DDHD2: variants seen among roughly 807,000 people sequenced by gnomAD.
DDHD2 encodes the protein triacylglycerol hydrolase DDHD2.
DDHD2 carries 62 observed loss-of-function variants against 91.2 expected under a neutral mutation model. That is an observed-to-expected ratio of 0.68 (90% confidence interval 0.55 to 0.84). The LOEUF (loss-of-function observed/expected upper bound fraction) is 0.84. DDHD2 is among the 40% of genes least tolerant of loss of function. The pLI is 0.00. For missense variants in DDHD2, 740 were observed against 846.9 expected (o/e 0.87, Z 1.57); for synonymous variants, 271 against 293.9 (o/e 0.92, Z 0.80).
At chr8:38,255,152 G>T (rs916595878) in intron 16 of DDHD2, among the ~76,000 whole-genome samples, 1 of 142,434 alleles carries the variant, frequency 7.0e-6, no homozygotes, top group Admixed American at 7.7e-5. Context: ...CGAGATCACG[G>T]CCACCGCAGT....
rs768226042 is a variant in DDHD2, at chr8:38,246,278, T to G, written c.1103T>G (p.Leu368Trp). Residue 368 changes from leucine (L) to tryptophan (W), a missense_variant, in exon 9 of 18, where the codon TTG becomes TGG. Transcript: ENST00000397166. ...FDILTNQKDS[L>W]GDIDSEKDSL... ...ATCCTAACAAATCAGAAAGATTCTT[T>G]GGGGGATATTGACAGTGAAAAGGTA... 1.9e-6 allele frequency: 3 copies of G among 1,609,306 alleles called. No homozygotes were observed. The African/African-American group carries it at 4.0e-5, about 22-fold the overall frequency.
At chr8:38,241,644 C>T (rs142860987) in intron 6 of DDHD2, among the ~76,000 whole-genome samples, 3 of 151,520 alleles carry the variant, frequency 2.0e-5, no homozygotes, top group Admixed American at 2.0e-4. Context: ...GTCTTGAACT[C>T]CTGGCCTCAT....
rs376393703 is a variant in DDHD2 at position 38,249,709 on chromosome 8, C to A, written c.1250C>A (p.Ala417Asp). The A allele has an allele frequency of 6.9e-6, 11 of 1,603,670 alleles. No individual in the cohort carries two copies. The highest frequency in any genetic ancestry group is 8.5e-6 in the Non-Finnish European group (10 of 1,172,496). ...AAAGACTTGATTTTCTATGCCTAGG[C>A]TTTATGTACAGACCGAGATCTTCAG... ...EKEKVDKEAL[A>D]LCTDRDLQEI... The change falls in exon 11 of 18, where the codon GCT (alanine) becomes GAT (aspartate). Residue 417 changes from alanine (A) to aspartate (D), a missense_variant and splice_region_variant. Physicochemically the swap from Ala to Asp is moderately radical, Grantham distance 126. Coordinates refer to ENST00000397166, the MANE Select transcript of DDHD2 (RefSeq NM_015214.3).
intron 5 of DDHD2, 112 bp downstream of exon 5, chr8:38,238,321 T>A (rs1804968644): frequency 6.6e-7 from 1 of 1,507,604 alleles, no homozygotes; most frequent in African/African-American, 1.4e-5. Context: ...TCATCTTTAA[T>A]CATATGGGTT....
downstream of DDHD2, chr8:38,271,583 T>C (rs1024389268): frequency 2.6e-5 from 4 of 152,242 alleles, no homozygotes; most frequent in African/African-American, 9.6e-5. Context: ...AGTTCTACTT[T>C]TTGTTTTACA....
At chr8:38,266,463 C>T (rs1053494797), downstream of DDHD2, 45 of 707,738 alleles carry the variant, frequency 6.4e-5, no homozygotes, top group African/African-American at 5.4e-4. Flanking sequence ...TGCAGTGGCA[C>T]CATCTCGGCT....
At chr8:38,266,453 T>C (rs1807606614), downstream of DDHD2, 1 of 785,444 alleles carries the variant, frequency 1.3e-6, no homozygotes, top group Non-Finnish European at 2.0e-6. Context: ...CAGGCTGGAG[T>C]GCAGTGGCAC....
At chr8:38,256,326 A>G (rs1806507328) in intron 16 of DDHD2, among the ~76,000 whole-genome samples, 1 of 151,652 alleles carries the variant, frequency 6.6e-6, no homozygotes, top group Admixed American at 6.6e-5. Context: ...TTTTTTTGAG[A>G]TAGTCTTGTT....
chr8:38,254,571 C>T (rs1806361929), intron 16 of DDHD2, among the ~76,000 whole-genome samples: 1 of 151,974 alleles, frequency 6.6e-6, no homozygotes, highest in Admixed American at 6.6e-5. Context: ...AGGGTTTCGC[C>T]ATGTTGCCCA....
chr8:38,240,158 T>A (rs1243335331), intron 5 of DDHD2, 117 bp from the exon 6 acceptor site: 2 of 503,438 alleles, frequency 4.0e-6, no homozygotes, highest in Non-Finnish European at 6.9e-6. Flanking sequence ...ATTTTGTATC[T>A]TTTAAATTAT....
intron 10 of DDHD2, among the ~76,000 whole-genome samples, 182 bp from the exon 11 acceptor site, chr8:38,249,526 T>C (rs1175618952): frequency 6.6e-6 from 1 of 152,016 alleles, no homozygotes; most frequent in Non-Finnish European, 1.5e-5. Context: ...GTATTGATAT[T>C]TTCTATTCTT....
chr8:38,269,214 C>G, intron 1 of DDHD2: 2 of 1,494,758 alleles, frequency 1.3e-6, no homozygotes, highest in Non-Finnish European at 1.8e-6. Flanking sequence ...CCGCGAGCTC[C>G]GAGCGACGCT....
At chr8:38,265,610 T>C (rs904892500), downstream of DDHD2, 1 of 152,162 alleles carries the variant, frequency 6.6e-6, no homozygotes, top group African/African-American at 2.4e-5. Flanking sequence ...GTATTTTTAG[T>C]AGAGACGGGG....
rs914275186 is a variant in DDHD2 at position 38,253,360 on chromosome 8, CA to C, written c.1892-190del. ...GGTAATGAGATGTGTTGCGCAAAAG[CA>C]AAAAAGGGGATTGGACAAAATTACT... is the stretch of plus-strand genomic sequence containing the variant. On this transcript the variant is annotated intron_variant, in intron 15 of 17. Transcript: ENST00000397166. 19 of 743,066 alleles carry C rather than the reference CA, an allele frequency of 2.6e-5. No individual in the cohort carries two copies. In the African/African-American group the frequency reaches 2.7e-4, roughly 10 times the overall value. 46.0% of individuals were successfully genotyped at this position (743,066 alleles called of 1,614,324 possible).
intron 1 of DDHD2, chr8:38,267,968 G>A (rs1585819229): frequency 2.5e-6 from 4 of 1,613,974 alleles, no homozygotes; most frequent in Non-Finnish European, 3.4e-6. Context: ...CAGCTGCAAA[G>A]CAAAGCCATT....
chr8:38,238,152 G>T lies in DDHD2; in HGVS notation c.565G>T (p.Gly189Cys), dbSNP rs1230093956. 1 of 1,614,082 alleles carries T rather than the reference G, an allele frequency of 6.2e-7. No homozygotes were observed. The highest frequency in any genetic ancestry group is 1.7e-5 in the Admixed American group (1 of 59,996). ...DDWGSTPTEQ[G>C]RPRTVKRGVE... ...TTGGGGTTCAACACCCACGGAGCAG[G>T]GTCGACCAAGAACTGTGAAGAGAGG... The change falls in exon 5 of 18, where the codon GGT becomes TGT. Residue 189 changes from glycine (G) to cysteine (C), a missense_variant. Physicochemically the swap from Gly to Cys is radical, Grantham distance 159 (BLOSUM62 -3). Transcript: ENST00000397166.
Position 38,260,130 on chromosome 8 carries a change from C to A in DDHD2, c.*9C>A, listed in dbSNP as rs1360235926. ...ATCAGCCTTTACAGTAAAAATGACC[C>A]ATCTATGGCTGCTTAATGTAAGTTT... is the stretch of plus-strand genomic sequence containing the variant. On this transcript the variant is annotated 3_prime_UTR_variant, in exon 17 of 18. Transcript: ENST00000397166. The A allele has an allele frequency of 6.3e-7, 1 of 1,583,580 alleles. No individual in the cohort carries two copies. The highest frequency in any genetic ancestry group is 8.7e-7 in the Non-Finnish European group (1 of 1,152,920).
At chr8:38,264,830 C>T (rs971989976), downstream of DDHD2, 1 of 1,580,652 alleles carries the variant, frequency 6.3e-7, no homozygotes, top group South Asian at 1.2e-5. Context: ...CAAAACACAT[C>T]TTAAGTAAGT....
chr8:38,266,366 C>A, downstream of DDHD2: 3 of 1,472,196 alleles, frequency 2.0e-6, no homozygotes, highest in Non-Finnish European at 2.8e-6. Flanking sequence ...CTACCTCATT[C>A]ATCCCCACAT....
Sources: gnomAD v4.1 joint callset for allele counts (sites outside exome capture counted in the v4.1 genomes callset) on GRCh38, gnomAD v4.1.1 for gene constraint, MANE v1.5 for transcripts, NCBI Gene and HGNC (gene_info 2026-07-23, HGNC 2026-07-21) for gene names.